Variants in DGKH observed in about 807,000 individuals in gnomAD.
The protein encoded by DGKH is DAG kinase eta.
Under a neutral mutation model 159.3 loss-of-function variants are expected in DGKH, and 90 were observed. The ratio of observed to expected loss-of-function variants is 0.57; its 90% CI spans 0.48 to 0.67. The LOEUF (loss-of-function observed/expected upper bound fraction) is 0.67, where lower values mean the gene tolerates loss of function less well. Among genes scored for constraint, DGKH ranks in the 30% least tolerant of loss-of-function variants. DGKH has a pLI of 0.00. For synonymous variants in DGKH, 536 were observed against 553.8 expected, an observed-to-expected ratio of 0.97 and a Z score of 0.45; for missense variants, 1,181 against 1,506.1, an observed-to-expected ratio of 0.78 and a Z score of 3.57.
rs1958252607 is a variant in DGKH, at chr13:42,230,232, A to G, written c.*1044A>G. The G allele has an allele frequency of 6.6e-6, 1 of 152,130 alleles. No individual in the cohort carries two copies. The highest frequency in any genetic ancestry group is 6.5e-5 in the Admixed American group (1 of 15,270). 9.4% of individuals were successfully genotyped at this position (152,130 alleles called of 1,614,324 possible). ...TATCCAGGAATTCCCTGAGGTGTCA[A>G]CTGAGATTTATATACTGACAGATAA... On this transcript the variant is annotated 3_prime_UTR_variant, in exon 30 of 30. Transcript: ENST00000337343.
intron 13 of DGKH, among the ~76,000 whole-genome samples, chr13:42,179,904 T>G (rs1682662123): frequency 6.6e-6 from 1 of 152,184 alleles, no homozygotes; most frequent in South Asian, 2.1e-4. Context: ...TTATCCTGTT[T>G]GCATCTGTAG....
chr13:42,131,981 G>A (rs1348474743), intron 3 of DGKH, among the ~76,000 whole-genome samples: 1 of 152,158 alleles, frequency 6.6e-6, no homozygotes, highest in Non-Finnish European at 1.5e-5. Flanking sequence ...CTTGAAGGTG[G>A]GGTAGGGTGA....
intron 1 of DGKH, among the ~76,000 whole-genome samples, chr13:42,068,119 G>A (rs1882711254): frequency 6.6e-6 from 1 of 152,232 alleles, no homozygotes; most frequent in Admixed American, 6.5e-5. Context: ...CTTAAAATGA[G>A]TATGTGGACC....
At chr13:42,121,616 T>C (rs1955073657) in intron 1 of DGKH, among the ~76,000 whole-genome samples, 1 of 152,246 alleles carries the variant, frequency 6.6e-6, no homozygotes, top group African/African-American at 2.4e-5. Flanking sequence ...CCTCCTAATT[T>C]GCCTGTGACC....
chr13:42,146,781 C>A (rs575071185), intron 3 of DGKH, among the ~76,000 whole-genome samples: 1 of 152,180 alleles, frequency 6.6e-6, no homozygotes, highest in South Asian at 2.1e-4. Context: ...GAGAGAAATA[C>A]AAGAAGATAA....
In DGKH at chr13:42,215,724, C is replaced by A. The variant is rs1957773549; in HGVS notation, c.3213+57C>A. The A allele has an allele frequency of 1.4e-5, 21 of 1,454,158 alleles. No individual in the cohort carries two copies. The South Asian group carries it at 2.0e-4, about 14-fold the overall frequency. 90.1% of individuals were successfully genotyped at this position (1,454,158 alleles called of 1,614,324 possible). On this transcript the variant is annotated intron_variant, in intron 26 of 29. Coordinates refer to ENST00000337343, the MANE Select transcript of DGKH (RefSeq NM_178009.5). Reference sequence around the variant, plus strand: ...TGATGAATTAAATGTCTGGGTCTTACCTTCATTGGGGAACAGGCATTTGGC... The same window carrying A: ...TGATGAATTAAATGTCTGGGTCTTAACTTCATTGGGGAACAGGCATTTGGC...
intron 28 of DGKH, 35 bp downstream of exon 28, chr13:42,219,829 T>A: frequency 1.3e-6 from 2 of 1,579,542 alleles, no homozygotes; most frequent in Admixed American, 3.5e-5. Context: ...AATATAACAT[T>A]ATGAAAAAAG....
intron 1 of DGKH, chr13:42,071,039 T>C (rs1299613590): frequency 6.4e-6 from 8 of 1,252,770 alleles, no homozygotes; most frequent in South Asian, 2.7e-5. Flanking sequence ...TCCATATACG[T>C]AGAATCCAGA....
At chr13:42,148,700 G>T (rs1432921858) in intron 3 of DGKH, among the ~76,000 whole-genome samples, 4 of 152,092 alleles carry the variant, frequency 2.6e-5, no homozygotes, top group Admixed American at 2.6e-4. Flanking sequence ...GTACTCTTTG[G>T]TGTGGTTAAA....
chr13:42,138,231 A>G (rs1430709392), intron 3 of DGKH: 4 of 509,150 alleles, frequency 7.9e-6, no homozygotes, highest in African/African-American at 2.1e-5. Context: ...TAGGCAAAGA[A>G]GAGTGGATTT....
chr13:42,191,223 T>A (rs1566175698), intron 16 of DGKH, among the ~76,000 whole-genome samples: 1 of 152,144 alleles, frequency 6.6e-6, no homozygotes, highest in Non-Finnish European at 1.5e-5. Context: ...AAAGCAGAAA[T>A]TAAACTATTA....
chr13:42,254,462 T>C (rs922455445), intron 30 of DGKH, among the ~76,000 whole-genome samples: 1 of 152,006 alleles, frequency 6.6e-6, no homozygotes, highest in Non-Finnish European at 1.5e-5. Flanking sequence ...TGATACCCTG[T>C]CCCTACTGAA....
At chr13:42,185,053 T>A (rs957276873) in intron 13 of DGKH, among the ~76,000 whole-genome samples, 1 of 152,176 alleles carries the variant, frequency 6.6e-6, no homozygotes, top group Non-Finnish European at 1.5e-5. Flanking sequence ...GGAGAATATC[T>A]TTTGTCTTCC....
At chr13:42,143,384 G>A (rs1344151720) in intron 3 of DGKH, among the ~76,000 whole-genome samples, 7 of 152,110 alleles carry the variant, frequency 4.6e-5, no homozygotes, top group Non-Finnish European at 8.8e-5. Context: ...TCTCTGCCAG[G>A]CTTTAGTATC....
chr13:42,079,790 CCA>C lies in DGKH; in HGVS notation c.192+30828_192+30829del, dbSNP rs368718862. On this transcript the variant is annotated intron_variant, in intron 1 of 29. Transcript: ENST00000337343. Reference sequence around the variant, plus strand: ...TCAGCACTCACCATAAGTCATTTTACCACAGTTTGTGCACTTCTGAGTTCTTT... The same window carrying C: ...TCAGCACTCACCATAAGTCATTTTACCAGTTTGTGCACTTCTGAGTTCTTT... Among the ~76,000 whole-genome samples the C allele has an allele frequency of 5.9e-5, 9 of 152,278 alleles. No individual in the cohort carries two copies. The East Asian group carries it at 9.6e-4, about 16-fold the overall frequency.
chr13:42,112,284 C>CATTTTTTTTTTT (rs374132029), intron 1 of DGKH, among the ~76,000 whole-genome samples: 1 of 122,828 alleles, frequency 8.1e-6, no homozygotes. Context: ...AGCCTTGTGG[C>CATTTTTTTTTTT]TTTTTTTTTT....
chr13:42,128,972 G>C (rs1284873870), intron 2 of DGKH, among the ~76,000 whole-genome samples: 1 of 152,210 alleles, frequency 6.6e-6, no homozygotes, highest in African/African-American at 2.4e-5. Context: ...ACTAAAAGTG[G>C]GAAGCCTACA....
Position 42,168,435 on chromosome 13 carries a change from T to G in DGKH, c.1119-5T>G. On this transcript the variant is annotated splice_region_variant and splice_polypyrimidine_tract_variant and intron_variant, in intron 9 of 29. Transcript: ENST00000337343. ...ATACTAAAATAAAATCCTTTTTGCT[T>G]TCAGTTTAAGATTATTTCAGAAGTT... 6 of 1,611,432 alleles carry G rather than the reference T, an allele frequency of 3.7e-6. No homozygotes were observed. The highest frequency in any genetic ancestry group is 5.1e-6 in the Non-Finnish European group (6 of 1,178,734).
At chr13:42,069,095 A>C (rs954446456) in intron 1 of DGKH, 8 of 1,404,148 alleles carry the variant, frequency 5.7e-6, no homozygotes, top group Non-Finnish European at 8.1e-6. Context: ...ATTAAAGAGG[A>C]ACTCCTCACT....
Sources: gnomAD v4.1 joint callset for allele counts (sites outside exome capture counted in the v4.1 genomes callset) on GRCh38, gnomAD v4.1.1 for gene constraint, MANE v1.5 for transcripts, NCBI Gene and HGNC (gene_info 2026-07-23, HGNC 2026-07-21) for gene names.